Variants in CFAP46 observed in about 807,000 individuals in gnomAD.
CFAP46 encodes the protein cilia- and flagella-associated protein 46.
CFAP46 carries 245 observed loss-of-function variants against 325.7 expected under a neutral mutation model. That is an observed-to-expected ratio of 0.75 (90% confidence interval 0.68 to 0.84). CFAP46 has a LOEUF of 0.84. Ranked by LOEUF, CFAP46 falls within the 40% of genes least tolerant of loss-of-function variation. The pLI is 0.00. For missense variants in CFAP46, 3,346 were observed against 3,543.0 expected (o/e 0.94, Z 1.41); for synonymous variants, 1,523 against 1,495.9 (o/e 1.02, Z -0.42).
In CFAP46 at chr10:132,869,827, C is replaced by T. The variant is rs1018222070; in HGVS notation, c.4512-455G>A. On this transcript the variant is annotated intron_variant, in intron 32 of 57. Transcript: ENST00000368586. This position sits in a 1 kb window ranked among gnomAD's most constrained non-coding sequence, Gnocchi z 6.2. Reference sequence around the variant, plus strand: ...GTGACCACGCCTGCTCCAGCCTCCTCTCCCGTGCCCGCCCCTGGGATATCT... The same window carrying T: ...GTGACCACGCCTGCTCCAGCCTCCTTTCCCGTGCCCGCCCCTGGGATATCT... Among the ~76,000 whole-genome samples, 2 of 152,226 alleles carry T rather than the reference C, an allele frequency of 1.3e-5. No homozygotes were observed. The highest frequency in any genetic ancestry group is 1.3e-4 in the Admixed American group (2 of 15,284).
At chr10:132,834,846 CCCTGCAGAAAGGCCGAGCT>C in intron 47 of CFAP46, 71 bp from the exon 48 acceptor site, 10 of 1,526,776 alleles carry the variant, frequency 6.5e-6, no homozygotes, top group Non-Finnish European at 7.9e-6. Context: ...AGGGCCAGGC[CCCTGCAGAAAGGCCGAGCT>C]CCTGCCCCTT....
rs375025049 is a variant in CFAP46, at chr10:132,814,688, T to A, written c.7247A>T (p.Lys2416Met). 6.2e-7 allele frequency: 1 copy of A among 1,603,302 alleles called. No homozygotes were observed. The highest frequency in any genetic ancestry group is 8.5e-7 in the Non-Finnish European group (1 of 1,174,692). ...DCIIVDSDNF[K>M]FVVDPYEEAQ... ...CCCCGGGGCCCATCAAAGGATACACTTGAAGTTGTCTGAGTCGACTATGAT... is the reference window on the plus strand; with the variant it reads ...CCCCGGGGCCCATCAAAGGATACACATGAAGTTGTCTGAGTCGACTATGAT... The change falls in exon 52 of 58, where the codon AAG becomes ATG. Residue 2416 changes from lysine to methionine, a missense_variant and splice_region_variant. Lys to Met is a moderately conservative substitution (Grantham distance 95, BLOSUM62 -1). Transcript: ENST00000368586.
intron 50 of CFAP46, among the ~76,000 whole-genome samples, chr10:132,822,555 TGC>T (rs1847886697): frequency 7.4e-6 from 1 of 134,948 alleles, no homozygotes; most frequent in African/African-American, 2.9e-5. Context: ...GTGCTGTGTG[TGC>T]GCTGATGTGT....
Position 132,877,455 on chromosome 10 carries a change from C to T in CFAP46, c.4212+426G>A, listed in dbSNP as rs1263443055. On this transcript the variant is annotated intron_variant, in intron 30 of 57. Coordinates refer to ENST00000368586, the MANE Select transcript of CFAP46 (RefSeq NM_001200049.3). The surrounding 1 kb of genome is among the most constrained non-coding windows in gnomAD (Gnocchi z 5.7). Reference sequence around the variant, plus strand: ...AAGGTTTCATGAGATGAAAAAAACACTTTTCTCACTGCTCTGGGACCCAGG... The same window carrying T: ...AAGGTTTCATGAGATGAAAAAAACATTTTTCTCACTGCTCTGGGACCCAGG... 6.6e-6 allele frequency among the ~76,000 whole-genome samples: 1 copy of T among 152,220 alleles called. No individual in the cohort carries two copies. The highest frequency in any genetic ancestry group is 1.9e-4 in the East Asian group (1 of 5,196).
In CFAP46 at chr10:132,830,349, G is replaced by T. The variant is rs1362827993; in HGVS notation, c.7117+3009C>A. 3.3e-5 allele frequency among the ~76,000 whole-genome samples: 5 copies of T among 152,206 alleles called. No homozygotes were observed. The South Asian group carries it at 6.2e-4, about 19-fold the overall frequency. On this transcript the variant is annotated intron_variant, in intron 50 of 57. Coordinates refer to ENST00000368586, the MANE Select transcript of CFAP46 (RefSeq NM_001200049.3). ...AGTAGAGATGGGGTTTCACCATCTT[G>T]GCCAGGCTGGTCTTAAACTCCTGAC...
intron 15 of CFAP46, 127 bp from the exon 16 acceptor site, chr10:132,918,647 G>C (rs1479712942): frequency 1.4e-5 from 17 of 1,239,502 alleles, no homozygotes; most frequent in Non-Finnish European, 1.8e-5. Context: ...CGCCAAGGTG[G>C]GCGGGTAGGC....
At chr10:132,868,947 C>G (rs905447262) in intron 33 of CFAP46, among the ~76,000 whole-genome samples, 1 of 152,210 alleles carries the variant, frequency 6.6e-6, no homozygotes, top group Admixed American at 6.5e-5. Flanking sequence ...GTGGCCTGAC[C>G]GAGCACTGCC....
intron 11 of CFAP46, 42 bp from the exon 12 acceptor site, chr10:132,922,750 G>A (rs948846557): frequency 1.2e-5 from 17 of 1,467,728 alleles, no homozygotes; most frequent in African/African-American, 9.8e-5. Context: ...GCGGCGCTGC[G>A]CCTCTGTCAG....
At chr10:132,879,401 C>T in intron 29 of CFAP46, 25 bp downstream of exon 29, 1 of 1,471,304 alleles carries the variant, frequency 6.8e-7, no homozygotes, top group African/African-American at 1.4e-5. Context: ...GCTGCAGGAG[C>T]AGGGGAGTCT....
Position 132,860,536 on chromosome 10 carries a change from A to C in CFAP46, c.5092-13T>G. 6.5e-7 allele frequency: 1 copy of C among 1,527,774 alleles called. No individual in the cohort carries two copies. The highest frequency in any genetic ancestry group is 1.2e-5 in the South Asian group (1 of 83,608). 94.6% of individuals were successfully genotyped at this position (1,527,774 alleles called of 1,614,324 possible). A position where few individuals can be genotyped will look rare whatever the true frequency, so the allele number is the denominator to read the frequency against. On this transcript the variant is annotated splice_polypyrimidine_tract_variant and intron_variant, in intron 36 of 57. Coordinates refer to ENST00000368586, the MANE Select transcript of CFAP46 (RefSeq NM_001200049.3). ...ATATGTGACACACCTGAGGACAGGC[A>C]GGGGTGGATACGGGTGTGTCTGAGG...
chr10:132,822,039 G>A (rs1847856393), intron 50 of CFAP46, among the ~76,000 whole-genome samples: 2 of 145,368 alleles, frequency 1.4e-5, no homozygotes, highest in African/African-American at 2.6e-5. Context: ...GTGCTGATGT[G>A]TGCTGATGTG....
Position 132,880,931 on chromosome 10 carries a change from G to A in CFAP46, c.3729C>T (p.Arg1243=). 2 of 1,550,432 alleles carry A rather than the reference G, an allele frequency of 1.3e-6. No individual in the cohort carries two copies. The highest frequency in any genetic ancestry group is 1.4e-5 in the African/African-American group (1 of 73,180). ...FPLEDVVFHL[R]WAVEILLAMK... Reference sequence around the variant, plus strand: ...TGGCCAGCAGGATCTCGACAGCCCAGCGGAGGTGGAAGACCACGTCCTCGA... The same window carrying A: ...TGGCCAGCAGGATCTCGACAGCCCAACGGAGGTGGAAGACCACGTCCTCGA... The change falls in exon 28 of 58, where the codon CGC becomes CGT. Residue 1243 remains arginine, a synonymous_variant. Coordinates refer to ENST00000368586, the MANE Select transcript of CFAP46 (RefSeq NM_001200049.3).
chr10:132,933,169 G>A (rs1236199920), intron 8 of CFAP46, among the ~76,000 whole-genome samples: 2 of 152,162 alleles, frequency 1.3e-5, no homozygotes, highest in African/African-American at 4.8e-5. Context: ...CTTTGGGGTG[G>A]GGTGCGGACG....
In CFAP46 at chr10:132,878,023, T is replaced by C; in HGVS notation, c.4070A>G (p.His1357Arg). Reference sequence around the variant, plus strand: ...CTTCTCTTTTTTAGGCAATAACAGATGTGAGCTGGTTGCTGCCAGGGGTCT... The same window carrying C: ...CTTCTCTTTTTTAGGCAATAACAGACGTGAGCTGGTTGCTGCCAGGGGTCT... ...ENRPLAATSSHLLLPKKEKEN... is the reference protein window; with the variant it reads ...ENRPLAATSSRLLLPKKEKEN... Residue 1357 changes from histidine (H) to arginine (R), a missense_variant, in exon 30 of 58, where the codon CAT becomes CGT. By Grantham distance (29) the His-to-Arg change is conservative. Coordinates refer to ENST00000368586, the MANE Select transcript of CFAP46 (RefSeq NM_001200049.3). 1 of 1,550,750 alleles carries C rather than the reference T, an allele frequency of 6.4e-7. No homozygotes were observed.
In CFAP46 at chr10:132,872,726, A is replaced by G. The variant is rs1377907710; in HGVS notation, c.4461T>C (p.Ile1487=). Residue 1487 remains isoleucine, a synonymous_variant, in exon 32 of 58, where the codon ATT becomes ATC. Transcript: ENST00000368586. The part of the protein sequence containing the change: ...TVPVLQLGVL[I]SDSVVGSKGL... ...CCTTGCTTCCCACCACGGAGTCCGA[A>G]ATCAGCACCCCCAACTGCAGGACGG... The G allele has an allele frequency of 6.4e-7, 1 of 1,550,798 alleles. No individual in the cohort carries two copies. Among genetic ancestry groups the G allele is most frequent in the East Asian group, 2.4e-5 (1 of 40,932 alleles).
chr10:132,861,935 G>A (rs929079436), intron 35 of CFAP46, among the ~76,000 whole-genome samples: 4 of 152,202 alleles, frequency 2.6e-5, no homozygotes, highest in African/African-American at 9.6e-5. Context: ...ATCTCTGGCC[G>A]TTCCATGCAT....
At chr10:132,902,545 T>A (rs941937804) in intron 22 of CFAP46, among the ~76,000 whole-genome samples, 1 of 152,248 alleles carries the variant, frequency 6.6e-6, no homozygotes, top group African/African-American at 2.4e-5. Flanking sequence ...TTATTTCCAT[T>A]GAAAATCTGA....
At chr10:132,933,643 C>A (rs568279241) in intron 8 of CFAP46, among the ~76,000 whole-genome samples, 1 of 152,260 alleles carries the variant, frequency 6.6e-6, no homozygotes, top group South Asian at 2.1e-4. Context: ...AGCCACCCTG[C>A]GGTCCTGGGG....
chr10:132,833,495 A>C lies in CFAP46; in HGVS notation c.6980T>G (p.Ile2327Arg), dbSNP rs1848185608. The part of the protein sequence containing the change: ...STVQPEVADK[I>R]VLVADRHLLE... Reference sequence around the variant, plus strand: ...GAGATGTCTGTCTGCGACCAGGACTATCTTATCGGCAACCTCAGGCTGGAC... The same window carrying C: ...GAGATGTCTGTCTGCGACCAGGACTCTCTTATCGGCAACCTCAGGCTGGAC... Residue 2327 changes from isoleucine (I) to arginine (R), a missense_variant, in exon 50 of 58, where the codon ATA (isoleucine) becomes AGA (arginine). Ile to Arg is a moderately conservative substitution (Grantham distance 97, BLOSUM62 -3). Coordinates refer to ENST00000368586, the MANE Select transcript of CFAP46 (RefSeq NM_001200049.3). The C allele has an allele frequency of 6.2e-7, 1 of 1,613,928 alleles. No individual in the cohort carries two copies. Among genetic ancestry groups the C allele is most frequent in the Non-Finnish European group, 8.5e-7 (1 of 1,179,982 alleles).
Sources: gnomAD v4.1 joint callset for allele counts (sites outside exome capture counted in the v4.1 genomes callset) on GRCh38, gnomAD v4.1.1 for gene constraint, Gnocchi (gnomAD v3.1) non-coding constraint, MANE v1.5 for transcripts, NCBI Gene and HGNC (gene_info 2026-07-23, HGNC 2026-07-21) for gene names.